The following CEP126 variants were observed in gnomAD, a reference collection of about 807,000 sequenced individuals.
The protein encoded by CEP126 is centrosomal protein of 126 kDa.
In CEP126, 74 loss-of-function variants were observed where a neutral mutation model predicts 107.8. The ratio of observed to expected loss-of-function variants is 0.69; its 90% CI spans 0.57 to 0.83. The LOEUF (loss-of-function observed/expected upper bound fraction) is 0.83. Among genes scored for constraint, CEP126 ranks in the 40% least tolerant of loss-of-function variants. The probability of loss-of-function intolerance (pLI) is 0.00; values close to 1 mark genes in which losing one functional copy is unlikely to be tolerated. For synonymous variants in CEP126, 449 were observed against 446.0 expected, an observed-to-expected ratio of 1.01 and a Z score of -0.08; for missense variants, 1,237 against 1,281.9, an observed-to-expected ratio of 0.96 and a Z score of 0.53.
chr11:101,940,510 T>C (rs1159155366), intron 2 of CEP126, among the ~76,000 whole-genome samples: 1 of 152,232 alleles, frequency 6.6e-6, no homozygotes, highest in Non-Finnish European at 1.5e-5. Flanking sequence ...TAAAATTTAG[T>C]AGCTTATTTA....
chr11:101,922,258 G>A (rs916458655), intron 1 of CEP126, among the ~76,000 whole-genome samples: 4 of 148,436 alleles, frequency 2.7e-5, no homozygotes, highest in South Asian at 2.1e-4. Context: ...TCCGCCTCCC[G>A]GGTTCAAGCG....
rs768157408 is a variant in CEP126, at chr11:101,967,015, CTCTT to C, written c.2845+3145_2845+3148del. ...CTACTTTCTCATTCCAATTCATCAT[CTCTT>C]TCTTTCTTTTTTTTTTTTTTTTTTT... On this transcript the variant is annotated intron_variant, in intron 6 of 10. Transcript: ENST00000263468. Among the ~76,000 whole-genome samples the C allele has an allele frequency of 2.9e-3, 418 of 146,340 alleles. 11 individuals are homozygous for C. The highest frequency in any genetic ancestry group is 0.01 in the East Asian group (49 of 4,822).
intron 2 of CEP126, among the ~76,000 whole-genome samples, chr11:101,931,778 T>C (rs1405823033): frequency 6.6e-6 from 1 of 152,226 alleles, no homozygotes; most frequent in Non-Finnish European, 1.5e-5. Flanking sequence ...ACAGATACTC[T>C]AAATACTACT....
intron 5 of CEP126, among the ~76,000 whole-genome samples, chr11:101,958,953 A>G (rs1360166941): frequency 6.6e-6 from 1 of 152,196 alleles, no homozygotes; most frequent in Non-Finnish European, 1.5e-5. Flanking sequence ...ATAATTATGA[A>G]CAAAATAAAT....
rs1178471273 is a variant in CEP126 at position 101,962,264 on chromosome 11, C to G, written c.1229C>G (p.Thr410Ser). Residue 410 changes from threonine (T) to serine (S), a missense_variant, in exon 6 of 11, where the codon ACT becomes AGT. Thr to Ser is a moderately conservative substitution (Grantham distance 58). Coordinates refer to ENST00000263468, the MANE Select transcript of CEP126 (RefSeq NM_020802.4). ...GAFKRERPLV[T>S]ESPTFKFSKS... ...TTCAAAAGAGAGAGACCATTAGTTACTGAGAGCCCAACATTTAAATTTAGC... is the reference window on the plus strand; with the variant it reads ...TTCAAAAGAGAGAGACCATTAGTTAGTGAGAGCCCAACATTTAAATTTAGC... 3 of 1,613,876 alleles carry G rather than the reference C, an allele frequency of 1.9e-6. No homozygotes were observed. The highest frequency in any genetic ancestry group is 8.5e-7 in the Non-Finnish European group (1 of 1,179,846).
intron 2 of CEP126, among the ~76,000 whole-genome samples, chr11:101,928,065 A>G (rs1413991482): frequency 6.6e-6 from 1 of 152,064 alleles, no homozygotes; most frequent in East Asian, 1.9e-4. Flanking sequence ...AATCATTCTG[A>G]TAGGTATGCA....
At chr11:101,956,749 T>C (rs1342624082) in intron 4 of CEP126, 2 of 454,712 alleles carry the variant, frequency 4.4e-6, no homozygotes, top group Admixed American at 4.7e-5. Context: ...CTCCTGTTTC[T>C]TCTTCCTTTA....
chr11:101,988,861 A>G (rs1039139542), intron 9 of CEP126, among the ~76,000 whole-genome samples: 1 of 152,090 alleles, frequency 6.6e-6, no homozygotes, highest in South Asian at 2.1e-4. Context: ...TAAGATTTTT[A>G]TATGCACTTG....
chr11:101,982,492 C>G (rs1941268243), intron 8 of CEP126, among the ~76,000 whole-genome samples: 1 of 151,980 alleles, frequency 6.6e-6, no homozygotes, highest in Non-Finnish European at 1.5e-5. Flanking sequence ...TAATATTATG[C>G]TTAATTGCTT....
At chr11:101,949,784 G>C (rs1664934765) in intron 4 of CEP126, among the ~76,000 whole-genome samples, 1 of 152,116 alleles carries the variant, frequency 6.6e-6, no homozygotes, top group African/African-American at 2.4e-5. Context: ...AACCAACAAA[G>C]GATGGTAAAG....
intron 2 of CEP126, among the ~76,000 whole-genome samples, chr11:101,923,724 A>G (rs1265753221): frequency 2.4e-4 from 36 of 152,170 alleles, no homozygotes. Flanking sequence ...ACGGCGTGTG[A>G]CAGGTGTTCA....
At chr11:101,928,210 G>A (rs970598228) in intron 2 of CEP126, among the ~76,000 whole-genome samples, 1 of 152,008 alleles carries the variant, frequency 6.6e-6, no homozygotes, top group African/African-American at 2.4e-5. Flanking sequence ...TAATTGGACT[G>A]TTTGCTCTTT....
chr11:101,988,025 A>G (rs78666550), intron 9 of CEP126, among the ~76,000 whole-genome samples: 1 of 152,304 alleles, frequency 6.6e-6, no homozygotes, highest in East Asian at 1.9e-4. Flanking sequence ...AAAAAAATCA[A>G]AAGAATCCAC....
rs546305147 is a variant in CEP126, at chr11:101,928,569, G to C, written c.248+5809G>C. ...AGTATCAGATGTGTACCAAAGTTTG[G>C]AGGTTTTGTTTGATAGTTTTTTGGG... On this transcript the variant is annotated intron_variant, in intron 2 of 10. Transcript: ENST00000263468. 2.0e-5 allele frequency among the ~76,000 whole-genome samples: 3 copies of C among 152,252 alleles called. No individual in the cohort carries two copies. The South Asian group carries it at 6.2e-4, about 32-fold the overall frequency.
chr11:101,972,283 G>A (rs141888770), intron 6 of CEP126, among the ~76,000 whole-genome samples: 2,632 of 151,634 alleles, frequency 0.017, 39 homozygotes, highest in African/African-American at 0.041. Flanking sequence ...AAAATTAGCC[G>A]GGCGTGGTAG....
intron 2 of CEP126, among the ~76,000 whole-genome samples, chr11:101,933,061 T>G (rs764678782): frequency 1.3e-5 from 2 of 152,154 alleles, no homozygotes; most frequent in Non-Finnish European, 2.9e-5. Context: ...CTTCCAGAAA[T>G]TAAAATTTCA....
chr11:101,942,679 G>T (rs558725251), intron 2 of CEP126, among the ~76,000 whole-genome samples: 188 of 151,632 alleles, frequency 1.2e-3, no homozygotes, highest in Non-Finnish European at 1.8e-3. Context: ...GAATTTGAAG[G>T]GATTGAATAG....
At chr11:101,984,448 A>T (rs1941293092) in intron 8 of CEP126, among the ~76,000 whole-genome samples, 2 of 152,214 alleles carry the variant, frequency 1.3e-5, no homozygotes, top group African/African-American at 2.4e-5. Context: ...GAAGAAGTGG[A>T]TATCAAAGAG....
At chr11:101,967,025 C>CTTTCTTT (rs1555056607) in intron 6 of CEP126, among the ~76,000 whole-genome samples, 2 of 107,088 alleles carry the variant, frequency 1.9e-5, no homozygotes, top group African/African-American at 7.3e-5. Context: ...CTCTTTCTTT[C>CTTTCTTT]TTTTTTTTTT....
Sources: gnomAD v4.1 joint callset for allele counts (sites outside exome capture counted in the v4.1 genomes callset) on GRCh38, gnomAD v4.1.1 for gene constraint, MANE v1.5 for transcripts, NCBI Gene and HGNC (gene_info 2026-07-23, HGNC 2026-07-21) for gene names.